Variants in ARL2 observed in about 807,000 individuals in gnomAD.
ARL2 encodes the protein ARF like GTPase 2.
Under a neutral mutation model 22.0 loss-of-function variants are expected in ARL2, and 11 were observed. That is an observed-to-expected ratio of 0.50 (90% CI 0.31 to 0.83). The LOEUF (loss-of-function observed/expected upper bound fraction) is 0.83. ARL2 is among the 40% of genes least tolerant of loss of function. The pLI, the probability that ARL2 is intolerant of heterozygous loss-of-function variation, is 0.04. For synonymous variants in ARL2, 111 were observed against 100.8 expected, an observed-to-expected ratio of 1.10 and a Z score of -0.61; for missense variants, 216 against 243.2, an observed-to-expected ratio of 0.89 and a Z score of 0.74.
chr11:65,020,926 C>T (rs1187666771), intron 4 of ARL2, among the ~76,000 whole-genome samples: 1 of 151,992 alleles, frequency 6.6e-6, no homozygotes, highest in African/African-American at 2.4e-5. Context: ...ATTTATTAGC[C>T]TAGCCCTGCT....
At chr11:65,015,276 G>A (rs1012412177) in intron 1 of ARL2, among the ~76,000 whole-genome samples, 5 of 152,132 alleles carry the variant, frequency 3.3e-5, no homozygotes, top group Non-Finnish European at 7.4e-5. Flanking sequence ...ACCACGCCCG[G>A]CTATTTTTTT....
intron 4 of ARL2, 91 bp from the exon 5 acceptor site, chr11:65,021,630 T>G (rs1326624666): frequency 4.9e-6 from 7 of 1,439,464 alleles, no homozygotes; most frequent in Non-Finnish European, 5.5e-6. Flanking sequence ...GAGGAAGGCG[T>G]GGAGTTCCTC....
Position 65,021,857 on chromosome 11 carries a change from C to A in ARL2, c.*2C>A, listed in dbSNP as rs760492829. On this transcript the variant is annotated 3_prime_UTR_variant, in exon 5 of 5. Transcript: ENST00000246747. ...AGCCGCATTTTCACAGCTGACTGAA[C>A]CACTCCAGATGCCCCCCACCTAGCA... 2.5e-6 allele frequency: 4 copies of A among 1,611,692 alleles called. No homozygotes were observed. In the East Asian group the frequency reaches 8.9e-5, roughly 36 times the overall value.
rs1946220352 is a variant in ARL2, at chr11:65,014,278, C to T, written c.65+6C>T. On this transcript the variant is annotated splice_donor_region_variant and intron_variant, in intron 1 of 4. Transcript: ENST00000246747. ...GAGCTGCGACTGCTCATGCTGTATC[C>T]TACCGGACGCCGGAACCGCGAGGGT... The T allele has an allele frequency of 6.5e-7, 1 of 1,548,804 alleles. No homozygotes were observed. Among genetic ancestry groups the T allele is most frequent in the South Asian group, 1.2e-5 (1 of 83,462 alleles).
chr11:65,016,361 G>A (rs1946256067), intron 1 of ARL2, among the ~76,000 whole-genome samples: 1 of 151,964 alleles, frequency 6.6e-6, no homozygotes, highest in Admixed American at 6.6e-5. Context: ...GAGGAGGGCA[G>A]TATGGCTGGA....
In ARL2 at chr11:65,021,873, C is replaced by G. The variant is rs1565186273; in HGVS notation, c.*18C>G. The G allele has an allele frequency of 2.5e-6, 4 of 1,607,818 alleles. No individual in the cohort carries two copies. Among genetic ancestry groups the G allele is most frequent in the Admixed American group, 1.7e-5 (1 of 59,916 alleles). The stretch of plus-strand genomic sequence containing the variant: ...CTGACTGAACCACTCCAGATGCCCC[C>G]CACCTAGCAGTCCAGGTCCCTCAAC... On this transcript the variant is annotated 3_prime_UTR_variant, in exon 5 of 5. Transcript: ENST00000246747.
chr11:65,014,801 G>C (rs557134059), intron 1 of ARL2, among the ~76,000 whole-genome samples: 1 of 152,374 alleles, frequency 6.6e-6, no homozygotes, highest in African/African-American at 2.4e-5. Flanking sequence ...GTGTGGGCCC[G>C]AGTGTCCCGT....
chr11:65,014,880 G>T (rs1946231408), intron 1 of ARL2, among the ~76,000 whole-genome samples: 1 of 152,268 alleles, frequency 6.6e-6, no homozygotes. Context: ...GCCAGGCTCC[G>T]CGGGGGAATG....
At chr11:65,019,897 T>G (rs924366075) in intron 3 of ARL2, among the ~76,000 whole-genome samples, 36 of 152,244 alleles carry the variant, frequency 2.4e-4, no homozygotes, top group African/African-American at 8.7e-4. Context: ...GGCCGTCAAA[T>G]GCTGGTCAAG....
At chr11:65,016,359 C>T (rs969329640) in intron 1 of ARL2, among the ~76,000 whole-genome samples, 1 of 151,414 alleles carries the variant, frequency 6.6e-6, no homozygotes, top group Non-Finnish European at 1.5e-5. Flanking sequence ...GTGAGGAGGG[C>T]AGTATGGCTG....
At chr11:65,016,268 CG>C (rs59272641) in intron 1 of ARL2, among the ~76,000 whole-genome samples, 8,091 of 78,778 alleles carry the variant, frequency 0.1, 724 homozygotes, top group African/African-American at 0.29. Context: ...TATAGCAATT[CG>C]GGGGGGGGGG....
chr11:65,016,385 G>A (rs1343429726), intron 1 of ARL2, among the ~76,000 whole-genome samples: 1 of 151,874 alleles, frequency 6.6e-6, no homozygotes, highest in African/African-American at 2.4e-5. Flanking sequence ...GGGAGGAGGA[G>A]CGTTGACTGG....
In ARL2 at chr11:65,018,349, C is replaced by T; in HGVS notation, c.66-15C>T. 6.3e-7 allele frequency: 1 copy of T among 1,583,956 alleles called. No homozygotes were observed. Among genetic ancestry groups the T allele is most frequent in the Non-Finnish European group, 8.6e-7 (1 of 1,165,072 alleles). ...GCAGAGAACAGGGACTTCTCCTTAA[C>T]CTGCTGCGCCCCAGTGGCCTGGACA... On this transcript the variant is annotated splice_polypyrimidine_tract_variant and intron_variant, in intron 1 of 4. Coordinates refer to ENST00000246747, the MANE Select transcript of ARL2 (RefSeq NM_001667.4). This position sits in a 1 kb window ranked among gnomAD's most constrained non-coding sequence, Gnocchi z 4.2.
In ARL2 at chr11:65,018,652, C is replaced by T. The variant is rs1220142279; in HGVS notation, c.258C>T (p.Gly86=). 6.2e-7 allele frequency: 1 copy of T among 1,614,194 alleles called. No homozygotes were observed. Among genetic ancestry groups the T allele is most frequent in the Admixed American group, 1.7e-5 (1 of 60,016 alleles). ...GGAACTACTTTGAGAGCACCGATGG[C>T]CTCATCTGGGTAGTGGACAGCGCAG... ...YWRNYFESTD[G]LIWVVDSADR... Residue 86 remains glycine, a synonymous_variant, in exon 3 of 5, where the codon GGC becomes GGT. Transcript: ENST00000246747. This position sits in a 1 kb window ranked among gnomAD's most constrained non-coding sequence, Gnocchi z 4.2.
rs774959134 is a variant in ARL2 at position 65,020,426 on chromosome 11, C to T, written c.347C>T (p.Ala116Val). The change falls in exon 4 of 5, where the codon GCC becomes GTC. Residue 116 changes from alanine to valine, a missense_variant. Physicochemically the swap from Ala to Val is moderately conservative, Grantham distance 64 (BLOSUM62 0). Coordinates refer to ENST00000246747, the MANE Select transcript of ARL2 (RefSeq NM_001667.4). Reference protein sequence around the residue: ...LQSLLVEERLAGATLLIFANK... With the variant: ...LQSLLVEERLVGATLLIFANK... ...CTATCTTTTCTCCCCCAGCGCCTGG[C>T]CGGAGCAACCCTCCTCATCTTTGCT... 6.2e-7 allele frequency: 1 copy of T among 1,612,768 alleles called. No homozygotes were observed. The highest frequency in any genetic ancestry group is 1.7e-5 in the Admixed American group (1 of 59,944).
rs56210536 is a variant in ARL2, at chr11:65,020,639, C to T, written c.420+140C>T. On this transcript the variant is annotated intron_variant, in intron 4 of 4. Transcript: ENST00000246747. ...ATACCAGCACTTTGGGAGGCCAAGG[C>T]GAGTGGATCACCTGAGGTCAGGAGT... is the stretch of plus-strand genomic sequence containing the variant. 2,778 of 790,660 alleles carry T rather than the reference C, an allele frequency of 3.5e-3. 42 individuals carry two copies. The African/African-American group carries it at 0.041, about 12-fold the overall frequency. The allele number at this position is 790,660 out of a possible 1,614,324, so 49.0% of individuals were successfully genotyped here.
At chr11:65,014,399 G>T (rs978669272) in intron 1 of ARL2, 127 bp downstream of exon 1, 7 of 736,220 alleles carry the variant, frequency 9.5e-6, no homozygotes, top group Admixed American at 8.5e-5. Context: ...GTCACCACGC[G>T]GGCCCCATCA....
chr11:65,016,478 TTAGGCCACTG>T (rs1401634437), intron 1 of ARL2, among the ~76,000 whole-genome samples: 1 of 151,948 alleles, frequency 6.6e-6, no homozygotes, highest in Admixed American at 6.6e-5. Flanking sequence ...CGCAGACCAG[TTAGGCCACTG>T]CAGTGACGCA....
At position 65,021,758 on chromosome 11, in the gene ARL2, G is replaced by A; in HGVS notation, c.458G>A (p.Cys153Tyr). ...ELDSIRSHHW[C>Y]IQGCSAVTGE... ...GACTCCATCCGCAGCCACCACTGGT[G>A]CATCCAGGGCTGCAGCGCCGTCACC... Residue 153 changes from cysteine (C) to tyrosine (Y), a missense_variant, in exon 5 of 5, where the codon TGC (cysteine) becomes TAC (tyrosine). Transcript: ENST00000246747. 6.2e-7 allele frequency: 1 copy of A among 1,610,994 alleles called. No homozygotes were observed.
Sources: gnomAD v4.1 joint callset for allele counts (sites outside exome capture counted in the v4.1 genomes callset) on GRCh38, gnomAD v4.1.1 for gene constraint, Gnocchi (gnomAD v3.1) non-coding constraint, MANE v1.5 for transcripts, NCBI Gene and HGNC (gene_info 2026-07-23, HGNC 2026-07-21) for gene names.